The following WSB1 variants were observed in gnomAD, a reference collection of about 807,000 sequenced individuals.
The protein encoded by WSB1 is WD repeat and SOCS box containing 1, also known as WD repeat and SOCS box-containing protein 1.
A neutral mutation model predicts 50.2 loss-of-function variants in WSB1; 23 were observed. The ratio of observed to expected loss-of-function variants is 0.46; its 90% CI spans 0.33 to 0.65. The LOEUF (loss-of-function observed/expected upper bound fraction) is 0.65, where lower values mean the gene tolerates loss of function less well. WSB1 is among the 30% of genes least tolerant of loss of function. The pLI is 0.02. For synonymous variants in WSB1, 179 were observed against 172.0 expected (o/e 1.04, Z -0.32); for missense variants, 492 against 522.3 (o/e 0.94, Z 0.56).
intron 1 of WSB1, 93 bp downstream of exon 1, chr17:27,294,528 G>A: frequency 1.3e-6 from 2 of 1,553,588 alleles, no homozygotes; most frequent in East Asian, 2.3e-5. Flanking sequence ...CCAAGTCTGA[G>A]GGAAGAGCTC....
At chr17:27,308,484 TATTTTCATAAAATAGC>T in intron 5 of WSB1, 21 of 985,280 alleles carry the variant, frequency 2.1e-5, no homozygotes, top group Non-Finnish European at 2.4e-5. Flanking sequence ...GTAATTGTAT[TATTTTCATAAAATAGC>T]ATTTTCATTT....
rs1303613788 is a variant in WSB1, at chr17:27,294,360, C to T, written c.-36C>T. On this transcript the variant is annotated 5_prime_UTR_variant, in exon 1 of 9. Coordinates refer to ENST00000262394, the MANE Select transcript of WSB1 (RefSeq NM_015626.10). The stretch of plus-strand genomic sequence containing the variant: ...CCACTCTCTTCTCTGTTGTTGGGTC[C>T]GCATCGTATTCCCGGAATCAGACGG... 2 of 1,611,938 alleles carry T rather than the reference C, an allele frequency of 1.2e-6. No individual in the cohort carries two copies. The highest frequency in any genetic ancestry group is 2.7e-5 in the African/African-American group (2 of 74,876).
intron 3 of WSB1, 52 bp from the exon 4 acceptor site, chr17:27,304,728 A>C: frequency 6.4e-7 from 1 of 1,573,740 alleles, no homozygotes; most frequent in South Asian, 1.1e-5. Context: ...AATAAGAACA[A>C]AACAAAAATA....
chr17:27,301,517 A>G (rs1167442161), intron 1 of WSB1, among the ~76,000 whole-genome samples: 1 of 152,212 alleles, frequency 6.6e-6, no homozygotes, highest in Non-Finnish European at 1.5e-5. Context: ...TCATTACATT[A>G]TTATTGACCA....
At chr17:27,310,662 G>A (rs563717653) in intron 7 of WSB1, among the ~76,000 whole-genome samples, 3 of 152,288 alleles carry the variant, frequency 2.0e-5, no homozygotes, top group Admixed American at 6.5e-5. Context: ...GTTCGGTGAC[G>A]TCAATTCATA....
intron 7 of WSB1, among the ~76,000 whole-genome samples, 189 bp from the exon 8 acceptor site, chr17:27,311,320 A>G (rs974712940): frequency 2.6e-5 from 4 of 152,232 alleles, no homozygotes; most frequent in African/African-American, 4.8e-5. Context: ...AGTTTATCCA[A>G]TTTACCAACT....
intron 1 of WSB1, among the ~76,000 whole-genome samples, chr17:27,298,192 G>C (rs192718637): frequency 2.6e-5 from 4 of 151,322 alleles, no homozygotes; most frequent in African/African-American, 9.7e-5. Context: ...CTTGCTAAGG[G>C]AGAGCTTAAT....
chr17:27,299,268 T>C (rs777722963), intron 1 of WSB1, among the ~76,000 whole-genome samples: 1 of 152,156 alleles, frequency 6.6e-6, no homozygotes, highest in Non-Finnish European at 1.5e-5. Context: ...CCCAGTACTT[T>C]GGGAGGCTGA....
chr17:27,307,111 C>T (rs1229426465), intron 5 of WSB1: 1 of 485,456 alleles, frequency 2.1e-6, no homozygotes, highest in Non-Finnish European at 3.6e-6. Flanking sequence ...ATGGGCATAT[C>T]AGGGTTTTTT....
intron 1 of WSB1, among the ~76,000 whole-genome samples, chr17:27,299,354 TA>T (rs1289985545): frequency 6.6e-6 from 1 of 151,766 alleles, no homozygotes; most frequent in East Asian, 1.9e-4. Flanking sequence ...TTTACAAAAA[TA>T]AAAACATTAA....
At chr17:27,302,933 G>A (rs1209036080) in intron 2 of WSB1, 1 of 166,306 alleles carries the variant, frequency 6.0e-6, no homozygotes, top group Non-Finnish European at 1.3e-5. Context: ...TGGAACCTAT[G>A]GGAAACTGAT....
At chr17:27,298,354 A>T (rs2150828391) in intron 1 of WSB1, among the ~76,000 whole-genome samples, 1 of 152,162 alleles carries the variant, frequency 6.6e-6, no homozygotes, top group Non-Finnish European at 1.5e-5. Context: ...CCTCCTAAAA[A>T]TGCTTGTAAA....
At chr17:27,306,022 G>T (rs956282244) in intron 4 of WSB1, among the ~76,000 whole-genome samples, 2 of 152,080 alleles carry the variant, frequency 1.3e-5, no homozygotes, top group Admixed American at 1.3e-4. Context: ...TAAGAGTTCA[G>T]TATACTTAAG....
In WSB1 at chr17:27,313,172, C is replaced by T. The variant is rs533076334; in HGVS notation, c.*803C>T. The T allele has an allele frequency of 2.0e-5, 3 of 152,174 alleles. No individual in the cohort carries two copies. The South Asian group carries it at 6.2e-4, about 32-fold the overall frequency. The allele number at this position is 152,174 out of a possible 1,614,324, so 9.4% of individuals were successfully genotyped here. On this transcript the variant is annotated 3_prime_UTR_variant, in exon 9 of 9. Coordinates refer to ENST00000262394, the MANE Select transcript of WSB1 (RefSeq NM_015626.10). The stretch of plus-strand genomic sequence containing the variant: ...TTTTATTATCCTTAGGAATGTCATC[C>T]AAGACGTAGAGCTTGAATGTGACGT...
chr17:27,296,148 C>G (rs2016966916), intron 1 of WSB1, among the ~76,000 whole-genome samples: 1 of 152,076 alleles, frequency 6.6e-6, no homozygotes, highest in Admixed American at 6.6e-5. Context: ...GTTTTGTTTT[C>G]TAAGAGATGG....
rs1597745908 is a variant in WSB1 at position 27,294,447 on chromosome 17, G to A, written c.40+12G>A. 1 of 1,612,974 alleles carries A rather than the reference G, an allele frequency of 6.2e-7. No homozygotes were observed. ...CGAGAAAGAGATCGGTGAGGATTGG[G>A]ACCGTGGGTGGGCGCATGAGGGCCG... On this transcript the variant is annotated intron_variant, in intron 1 of 8. Coordinates refer to ENST00000262394, the MANE Select transcript of WSB1 (RefSeq NM_015626.10).
At chr17:27,300,968 C>A (rs1178069257) in intron 1 of WSB1, among the ~76,000 whole-genome samples, 2 of 152,060 alleles carry the variant, frequency 1.3e-5, no homozygotes, top group Non-Finnish European at 2.9e-5. Context: ...CTGCAACTTC[C>A]GCCTCCTGGG....
At chr17:27,303,949 C>G (rs963828231) in intron 3 of WSB1, among the ~76,000 whole-genome samples, 1 of 151,898 alleles carries the variant, frequency 6.6e-6, no homozygotes, top group African/African-American at 2.4e-5. Flanking sequence ...AAGGTGTTTT[C>G]TTTGTTTATG....
chr17:27,308,338 G>C (rs1230541920), intron 5 of WSB1: 10 of 985,578 alleles, frequency 1.0e-5, no homozygotes, highest in Non-Finnish European at 1.2e-5. Flanking sequence ...ATTCTGCACA[G>C]TTAACTACTG....
Sources: allele counts gnomAD v4.1 joint callset (sites outside exome capture counted in the v4.1 genomes callset), GRCh38; gene constraint gnomAD v4.1.1; transcripts MANE v1.5; gene names NCBI Gene and HGNC (gene_info 2026-07-23, HGNC 2026-07-21).